RAB2A: variants seen among roughly 807,000 people sequenced by gnomAD.
RAB2A encodes ras-related protein Rab-2A.
RAB2A carries 7 observed loss-of-function variants against 32.5 expected under a neutral mutation model. That is an observed-to-expected ratio of 0.22 (90% CI 0.12 to 0.40). RAB2A has a LOEUF of 0.40. Ranked by LOEUF, RAB2A falls within the 10% of genes least tolerant of loss-of-function variation. The pLI is 1.00. For synonymous variants in RAB2A, 79 were observed against 85.2 expected, an observed-to-expected ratio of 0.93 and a Z score of 0.40; for missense variants, 108 against 260.7, an observed-to-expected ratio of 0.41 and a Z score of 4.03.
intron 1 of RAB2A, among the ~76,000 whole-genome samples, chr8:60,532,506 A>G (rs985122645): frequency 1.3e-5 from 2 of 152,062 alleles, no homozygotes; most frequent in Non-Finnish European, 2.9e-5. Flanking sequence ...CTGGTTTCAT[A>G]GCTACGTGGA....
intron 1 of RAB2A, among the ~76,000 whole-genome samples, chr8:60,519,640 T>C (rs1192082377): frequency 1.3e-5 from 2 of 152,262 alleles, no homozygotes; most frequent in East Asian, 3.8e-4. Context: ...GTATAGATAC[T>C]TGTATAGGCA....
At chr8:60,569,115 T>C (rs977417958) in intron 2 of RAB2A, among the ~76,000 whole-genome samples, 1 of 152,226 alleles carries the variant, frequency 6.6e-6, no homozygotes, top group Non-Finnish European at 1.5e-5. Flanking sequence ...TTTCTGAAGC[T>C]GAAATTAAAG....
intron 6 of RAB2A, among the ~76,000 whole-genome samples, chr8:60,607,818 T>A (rs1804261078): frequency 6.6e-6 from 1 of 152,164 alleles, no homozygotes; most frequent in South Asian, 2.1e-4. Flanking sequence ...TGCTGTCTCC[T>A]CCCATTTCCT....
At chr8:60,541,650 T>C (rs10957143) in intron 1 of RAB2A, among the ~76,000 whole-genome samples, 36,072 of 152,174 alleles carry the variant, frequency 0.24, 4,333 homozygotes, top group Middle Eastern at 0.39. Context: ...GATCACACTA[T>C]TGCACTCCAG....
intron 1 of RAB2A, among the ~76,000 whole-genome samples, chr8:60,526,181 G>A (rs1807385683): frequency 6.6e-6 from 1 of 151,934 alleles, no homozygotes; most frequent in Admixed American, 6.6e-5. Context: ...GGTTTCAACA[G>A]GACTGGGTTC....
intron 6 of RAB2A, among the ~76,000 whole-genome samples, chr8:60,617,389 G>A (rs1178481553): frequency 1.3e-5 from 2 of 151,858 alleles, no homozygotes; most frequent in Non-Finnish European, 2.9e-5. Flanking sequence ...CATTATCATG[G>A]CAAAAAAGGC....
At chr8:60,620,465 G>A (rs935465113) in intron 7 of RAB2A, among the ~76,000 whole-genome samples, 5 of 152,212 alleles carry the variant, frequency 3.3e-5, no homozygotes, top group Non-Finnish European at 7.3e-5. Flanking sequence ...GTATGATAAA[G>A]AATTATTTTC....
chr8:60,559,888 A>G (rs1031379771), intron 2 of RAB2A, among the ~76,000 whole-genome samples: 3 of 152,246 alleles, frequency 2.0e-5, no homozygotes, highest in African/African-American at 7.2e-5. Context: ...AATCAGAGAT[A>G]GAGCTCATGA....
chr8:60,524,687 A>C (rs917085712), intron 1 of RAB2A, among the ~76,000 whole-genome samples: 3 of 152,192 alleles, frequency 2.0e-5, no homozygotes, highest in African/African-American at 7.2e-5. Flanking sequence ...TTTGGTTCTC[A>C]TCCATGGAAA....
Position 60,550,390 on chromosome 8 carries a change from C to CT in RAB2A, c.47-8450dup, listed in dbSNP as rs879508044. 8.9e-4 allele frequency among the ~76,000 whole-genome samples: 129 copies of CT among 145,096 alleles called. 1 individual carries two copies. The highest frequency in any genetic ancestry group is 3.5e-3 in the Middle Eastern group (1 of 286). On this transcript the variant is annotated intron_variant, in intron 1 of 7. Coordinates refer to ENST00000262646, the MANE Select transcript of RAB2A (RefSeq NM_002865.3). ...CTTACTGGTTCACGGTTTTTTTTGT[C>CT]TTTTTTTTTTTTGAGGCAGGGTCTC...
intron 6 of RAB2A, among the ~76,000 whole-genome samples, chr8:60,601,078 T>A (rs904467914): frequency 3.3e-5 from 5 of 152,230 alleles, no homozygotes; most frequent in Non-Finnish European, 7.3e-5. Flanking sequence ...ATGACAGTTT[T>A]AAAAATGAGA....
At chr8:60,584,393 G>T (rs1803815667) in intron 4 of RAB2A, 103 bp downstream of exon 4, 3 of 932,988 alleles carry the variant, frequency 3.2e-6, no homozygotes, top group Non-Finnish European at 5.1e-6. Context: ...TTCTGCCCCG[G>T]CTACTCACCT....
chr8:60,541,452 T>C (rs112563192), intron 1 of RAB2A, among the ~76,000 whole-genome samples: 199 of 152,294 alleles, frequency 1.3e-3, no homozygotes, highest in Non-Finnish European at 2.4e-3. Flanking sequence ...CCCAGCACTT[T>C]GGGAGGCAGT....
At chr8:60,527,985 C>T (rs1341538596) in intron 1 of RAB2A, among the ~76,000 whole-genome samples, 1 of 152,090 alleles carries the variant, frequency 6.6e-6, no homozygotes, top group African/African-American at 2.4e-5. Flanking sequence ...AGTAACTGAC[C>T]AATATGGAAC....
intron 1 of RAB2A, among the ~76,000 whole-genome samples, chr8:60,536,964 A>G (rs911643038): frequency 6.6e-6 from 1 of 152,228 alleles, no homozygotes; most frequent in Non-Finnish European, 1.5e-5. Flanking sequence ...CCTCGTAAAT[A>G]TCAATTAAAA....
In RAB2A at chr8:60,596,465, C is replaced by G. The variant is rs148942286; in HGVS notation, c.474+4496C>G. Among the ~76,000 whole-genome samples the G allele has an allele frequency of 6.6e-3, 997 of 152,116 alleles. 9 individuals carry two copies. Among genetic ancestry groups the G allele is most frequent in the African/African-American group, 0.022 (905 of 41,476 alleles). The stretch of plus-strand genomic sequence containing the variant: ...AACAAATTTACAAGAAAAAAACAAC[C>G]CCATCAAAAAGTGGGCGAAGGATAT... On this transcript the variant is annotated intron_variant, in intron 6 of 7. Coordinates refer to ENST00000262646, the MANE Select transcript of RAB2A (RefSeq NM_002865.3).
intron 5 of RAB2A, among the ~76,000 whole-genome samples, chr8:60,586,857 A>G (rs1803858589): frequency 6.6e-6 from 1 of 151,360 alleles, no homozygotes; most frequent in Non-Finnish European, 1.5e-5. Flanking sequence ...TGAATCCAGG[A>G]GCTCAAGGTT....
intron 6 of RAB2A, among the ~76,000 whole-genome samples, chr8:60,615,984 T>TA (rs1332216968): frequency 6.6e-6 from 1 of 152,132 alleles, no homozygotes; most frequent in Non-Finnish European, 1.5e-5. Flanking sequence ...GGGTAGAAAA[T>TA]ACTTGATTTT....
At chr8:60,545,584 A>C (rs929626435) in intron 1 of RAB2A, among the ~76,000 whole-genome samples, 3 of 152,174 alleles carry the variant, frequency 2.0e-5, no homozygotes, top group Non-Finnish European at 4.4e-5. Context: ...CCGGCAAGGA[A>C]TCTGCATTTT....
Sources: gnomAD v4.1 joint callset for allele counts (sites outside exome capture counted in the v4.1 genomes callset) on GRCh38, gnomAD v4.1.1 for gene constraint, MANE v1.5 for transcripts, NCBI Gene and HGNC (gene_info 2026-07-23, HGNC 2026-07-21) for gene names.